TTN: variants seen among roughly 807,000 people sequenced by gnomAD.
The protein encoded by TTN is connectin.
TTN carries 1,525 observed loss-of-function variants against 3,223.0 expected under a neutral mutation model. That is an observed-to-expected ratio of 0.47 (90% CI 0.45 to 0.49). The LOEUF is 0.49. Among genes scored for constraint, TTN ranks in the 20% least tolerant of loss-of-function variants. The pLI is 0.00. For missense variants in TTN, 40,786 were observed against 43,424.0 expected, an observed-to-expected ratio of 0.94 and a Z score of 5.40; for synonymous variants, 14,094 against 15,161.0, an observed-to-expected ratio of 0.93 and a Z score of 5.17.
In TTN at chr2:178,552,321, A is replaced by C. The variant is rs779880537; in HGVS notation, c.90579T>G (p.Asn30193Lys). The change falls in exon 335 of 363, where the codon AAT becomes AAG. Residue 30193 changes from asparagine to lysine, a missense_variant. Transcript: ENST00000589042. The part of the protein sequence containing the change: ...TENKITLSIK[N>K]AKKEHGGKYT... ...ATTTTCCTCCATGCTCCTTCTTGGC[A>C]TTCTTAATACTCAAAGTAATTTTGT... The C allele has an allele frequency of 1.2e-6, 2 of 1,609,976 alleles. No individual in the cohort carries two copies. Among genetic ancestry groups the C allele is most frequent in the Non-Finnish European group, 1.7e-6 (2 of 1,178,448 alleles).
intron 347 of TTN, 39 bp from the exon 348 acceptor site, chr2:178,542,988 T>C (rs1290879461): frequency 6.5e-7 from 1 of 1,547,872 alleles, no homozygotes. Flanking sequence ...TTAAGCATTA[T>C]TTTTATGGTA....
rs1373947164 is a variant in TTN, at chr2:178,720,902, G to C, written c.23098+19C>G. 1.3e-6 allele frequency: 2 copies of C among 1,546,752 alleles called. No individual in the cohort carries two copies. Among genetic ancestry groups the C allele is most frequent in the South Asian group, 1.3e-5 (1 of 78,494 alleles). ...AATCAGAGGAGAATAAAGAAACAAAGAAGCTTAGTGTGTCTAACCTTTCAC... is the reference window on the plus strand; with the variant it reads ...AATCAGAGGAGAATAAAGAAACAAACAAGCTTAGTGTGTCTAACCTTTCAC... On this transcript the variant is annotated intron_variant, in intron 79 of 362. Coordinates refer to ENST00000589042, the MANE Select transcript of TTN (RefSeq NM_001267550.2).
At chr2:178,756,135 T>C (rs2154334673) in intron 46 of TTN, 87 bp downstream of exon 46, 2 of 985,312 alleles carry the variant, frequency 2.0e-6, no homozygotes, top group East Asian at 2.4e-5. Flanking sequence ...CTAATTAATA[T>C]ATTCGTCGAT....
In TTN at chr2:178,651,719, T is replaced by C. The variant is rs1184645147; in HGVS notation, c.39410A>G (p.Glu13137Gly). 2 of 1,613,220 alleles carry C rather than the reference T, an allele frequency of 1.2e-6. No homozygotes were observed. Among genetic ancestry groups the C allele is most frequent in the Admixed American group, 1.7e-5 (1 of 59,892 alleles). Reference sequence around the variant, plus strand: ...GGCAACGACAGCAGGTGCTTTCTTTTCTGGGACAGGTTTCTTAGGTGGTAC... The same window carrying C: ...GGCAACGACAGCAGGTGCTTTCTTTCCTGGGACAGGTTTCTTAGGTGGTAC... ...VTVPPKKPVP[E>G]KKAPAVVAKK... Residue 13137 changes from glutamate (E) to glycine (G), a missense_variant, in exon 206 of 363, where the codon GAA (glutamate) becomes GGA (glycine). Coordinates refer to ENST00000589042, the MANE Select transcript of TTN (RefSeq NM_001267550.2).
intron 47 of TTN, chr2:178,746,953 G>C (rs72648911): frequency 1.2e-6 from 2 of 1,613,488 alleles, no homozygotes; most frequent in Non-Finnish European, 1.7e-6. Context: ...CTGTAGGTGT[G>C]TAGAAATGCT....
At position 178,575,201 on chromosome 2, in the gene TTN, A is replaced by C; in HGVS notation, c.70931T>G (p.Ile23644Ser). ...TTTGATGTTGTCACCAGCTTTGGCAATGACCAGTTTCTGATAGATGCCACG... is the reference window on the plus strand; with the variant it reads ...TTTGATGTTGTCACCAGCTTTGGCACTGACCAGTTTCTGATAGATGCCACG... ...DLRGIYQKLV[I>S]AKAGDNIKVE... Residue 23644 changes from isoleucine to serine, a missense_variant, in exon 326 of 363, where the codon ATT (isoleucine) becomes AGT (serine). By Grantham distance (142) the Ile-to-Ser change is moderately radical (BLOSUM62 -2). Transcript: ENST00000589042. This position sits in a 1 kb window ranked among gnomAD's most constrained non-coding sequence, Gnocchi z 4.0. 6.2e-7 allele frequency: 1 copy of C among 1,612,884 alleles called. No homozygotes were observed.
chr2:178,727,015 A>G (rs2079453872), intron 69 of TTN, 75 bp downstream of exon 69: 1 of 1,280,038 alleles, frequency 7.8e-7, no homozygotes, highest in Admixed American at 2.9e-5. Flanking sequence ...ATGATAGTAA[A>G]TGAATAAAGA....
In TTN at chr2:178,538,723, C is replaced by T; in HGVS notation, c.99106G>A (p.Glu33036Lys). The T allele has an allele frequency of 6.2e-7, 1 of 1,613,762 alleles. No homozygotes were observed. The highest frequency in any genetic ancestry group is 2.2e-5 in the East Asian group (1 of 44,876). The change falls in exon 354 of 363, where the codon GAA (glutamate) becomes AAA (lysine). Residue 33036 changes from glutamate to lysine, a missense_variant. Transcript: ENST00000589042. ...GGKEILGYWV[E>K]YRQSGDSAWK... ...GCACTGTCTCCAGACTGTCTATATT[C>T]AACCCAGTATCCAAGAATTTCTTTA...
Position 178,741,324 on chromosome 2 carries a change from G to A in TTN, c.11909C>T (p.Thr3970Ile). 1 of 1,613,868 alleles carries A rather than the reference G, an allele frequency of 6.2e-7. No individual in the cohort carries two copies. The highest frequency in any genetic ancestry group is 8.5e-7 in the Non-Finnish European group (1 of 1,179,822). Residue 3970 changes from threonine to isoleucine, a missense_variant, in exon 48 of 363, where the codon ACA becomes ATA. Transcript: ENST00000589042. ...TVVGEPAPTVTWFKENKQLCT... is the reference protein window; with the variant it reads ...TVVGEPAPTVIWFKENKQLCT... Reference sequence around the variant, plus strand: ...AAGCTGCTTGTTTTCTTTGAACCATGTAACAGTAGGGGCAGGCTCTCCAAC... The same window carrying A: ...AAGCTGCTTGTTTTCTTTGAACCATATAACAGTAGGGGCAGGCTCTCCAAC...
At chr2:178,695,843 A>T (rs2073608696) in intron 114 of TTN, 22 bp downstream of exon 114, 2 of 1,372,458 alleles carry the variant, frequency 1.5e-6, no homozygotes, top group African/African-American at 3.0e-5. Flanking sequence ...AGAGGGAAAC[A>T]AGTCATTCAG....
chr2:178,669,767 G>T, intron 157 of TTN, 92 bp from the exon 158 acceptor site: 4 of 1,219,276 alleles, frequency 3.3e-6, no homozygotes, highest in East Asian at 2.3e-5. Flanking sequence ...CAAGATGAAC[G>T]CCAAAAACCC....
chr2:178,781,280 A>C lies in TTN; in HGVS notation c.3381-17T>G. The C allele has an allele frequency of 1.2e-6, 2 of 1,613,504 alleles. No homozygotes were observed. The highest frequency in any genetic ancestry group is 2.2e-5 in the East Asian group (1 of 44,786). On this transcript the variant is annotated splice_polypyrimidine_tract_variant and intron_variant, in intron 20 of 362. Coordinates refer to ENST00000589042, the MANE Select transcript of TTN (RefSeq NM_001267550.2). ...ACTTTGTATCTTTATGTAAATGTAC[A>C]AAATTTAAAAATCAGTTATCAACAA... is the stretch of plus-strand genomic sequence containing the variant.
At position 178,678,077 on chromosome 2, in the gene TTN, AC is replaced by A. The variant is rs2068504211; in HGVS notation, c.33994+47del. ...ATTATAATTAGTAAGGCTGTATAACACCAGTTAGTTTTGTCTTTTACCATGG... is the reference window on the plus strand; with the variant it reads ...ATTATAATTAGTAAGGCTGTATAACACAGTTAGTTTTGTCTTTTACCATGG... On this transcript the variant is annotated intron_variant, in intron 145 of 362. Coordinates refer to ENST00000589042, the MANE Select transcript of TTN (RefSeq NM_001267550.2). 3 of 1,581,872 alleles carry A rather than the reference AC, an allele frequency of 1.9e-6. No homozygotes were observed. In the Admixed American group the frequency reaches 5.6e-5, roughly 30 times the overall value.
rs1560299498 is a variant in TTN, at chr2:178,677,696, GTACATATTCTTC to G, written c.34204_34215del (p.Glu11402_Val11405del). ...TCAGGTACAAATTCTTCTTCCTCAG[GTACATATTCTTC>G]TTCGGGAGGAACTTCCTCTTCCTCA... On this transcript the variant is annotated inframe_deletion, in exon 146 of 363. Coordinates refer to ENST00000589042, the MANE Select transcript of TTN (RefSeq NM_001267550.2). The G allele has an allele frequency of 6.2e-7, 1 of 1,612,580 alleles. No homozygotes were observed. The highest frequency in any genetic ancestry group is 1.3e-5 in the African/African-American group (1 of 74,746).
At chr2:178,745,194 T>C in intron 47 of TTN, 1 of 1,004,498 alleles carries the variant, frequency 1.0e-6, no homozygotes, top group Non-Finnish European at 1.2e-6. Context: ...GTCTGCGTGG[T>C]CATCTGATAT....
chr2:178,568,795 T>C lies in TTN; in HGVS notation c.77337A>G (p.Arg25779=), dbSNP rs1268101824. The C allele has an allele frequency of 1.2e-6, 2 of 1,613,148 alleles. No homozygotes were observed. Among genetic ancestry groups the C allele is most frequent in the South Asian group, 2.2e-5 (2 of 91,032 alleles). ...FRVVAVNEKG[R]SDPRSLAVPI... ...GAACTGCAAGGGACCGAGGATCACT[T>C]CTCCCCTTTTCATTTACAGCAACAA... is the stretch of plus-strand genomic sequence containing the variant. Residue 25779 remains arginine (R), a synonymous_variant, in exon 326 of 363, where the codon AGA becomes AGG. Transcript: ENST00000589042.
chr2:178,613,697 T>G, intron 263 of TTN, 54 bp downstream of exon 263: 1 of 1,548,250 alleles, frequency 6.5e-7, no homozygotes, highest in Non-Finnish European at 8.7e-7. Flanking sequence ...TACTAAAGAG[T>G]AAACATTTGA....
intron 219 of TTN, among the ~76,000 whole-genome samples, chr2:178,641,702 T>C (rs1472102595): frequency 2.0e-5 from 3 of 151,942 alleles, no homozygotes; most frequent in Non-Finnish European, 4.4e-5. Flanking sequence ...TGAAGAAATG[T>C]AGCCTAAAAA....
Position 178,573,883 on chromosome 2 carries a change from G to T in TTN, c.72249C>A (p.Phe24083Leu). 2 of 1,611,356 alleles carry T rather than the reference G, an allele frequency of 1.2e-6. No individual in the cohort carries two copies. The highest frequency in any genetic ancestry group is 8.5e-7 in the Non-Finnish European group (1 of 1,177,994). ...TAKLEIKIADFSTNLVNKDST... is the reference protein window; with the variant it reads ...TAKLEIKIADLSTNLVNKDST... The stretch of plus-strand genomic sequence containing the variant: ...AATCTTTGTTTACCAGATTAGTAGA[G>T]AAATCTGCAATTTTTATTTCTAACT... The change falls in exon 326 of 363, where the codon TTC becomes TTA. Residue 24083 changes from phenylalanine (F) to leucine (L), a missense_variant. Coordinates refer to ENST00000589042, the MANE Select transcript of TTN (RefSeq NM_001267550.2).
Sources: gnomAD v4.1 joint callset for allele counts (sites outside exome capture counted in the v4.1 genomes callset) on GRCh38, gnomAD v4.1.1 for gene constraint, Gnocchi (gnomAD v3.1) non-coding constraint, MANE v1.5 for transcripts, NCBI Gene and HGNC (gene_info 2026-07-23, HGNC 2026-07-21) for gene names.